The following FTO variants were observed in gnomAD, a reference collection of about 807,000 sequenced individuals.
FTO encodes alpha-ketoglutarate-dependent dioxygenase FTO.
FTO carries 47 observed loss-of-function variants against 63.9 expected under a neutral mutation model. That is an observed-to-expected ratio of 0.74 (90% CI 0.58 to 0.94). The LOEUF is 0.94. FTO is among the 40% of genes least tolerant of loss of function. The pLI, the probability that FTO is intolerant of heterozygous loss-of-function variation, is 0.00. For synonymous variants in FTO, 207 were observed against 224.4 expected, an observed-to-expected ratio of 0.92 and a Z score of 0.69; for missense variants, 562 against 618.1, an observed-to-expected ratio of 0.91 and a Z score of 0.96.
At chr16:53,904,084 A>C (rs963626602) in intron 7 of FTO, among the ~76,000 whole-genome samples, 3 of 151,978 alleles carry the variant, frequency 2.0e-5, no homozygotes, top group African/African-American at 7.3e-5. Flanking sequence ...TTACATATAG[A>C]TATATGTATA....
At chr16:53,795,473 G>A (rs1418112296) in intron 1 of FTO, among the ~76,000 whole-genome samples, 5 of 149,302 alleles carry the variant, frequency 3.3e-5, no homozygotes, top group East Asian at 1.9e-4. Flanking sequence ...GTGTGCGTGC[G>A]TGTGTGTGTG....
chr16:53,792,915 A>G (rs1345028719), intron 1 of FTO, among the ~76,000 whole-genome samples: 5 of 152,154 alleles, frequency 3.3e-5, no homozygotes, highest in Non-Finnish European at 5.9e-5. Context: ...TCTTTCTTTT[A>G]TGGTTTGGAA....
intron 6 of FTO, among the ~76,000 whole-genome samples, chr16:53,884,500 G>A (rs566509375): frequency 1.6e-4 from 24 of 152,184 alleles, no homozygotes; most frequent in Non-Finnish European, 3.2e-4. Flanking sequence ...ACTTCTTTCC[G>A]TTATTACAGT....
intron 8 of FTO, among the ~76,000 whole-genome samples, chr16:54,079,498 A>G (rs1347534633): frequency 6.6e-6 from 1 of 152,222 alleles, no homozygotes; most frequent in Non-Finnish European, 1.5e-5. Context: ...AAACACATAG[A>G]TGCTACCCAA....
rs561900628 is a variant in FTO, at chr16:53,791,761, A to G, written c.46-18379A>G. On this transcript the variant is annotated intron_variant, in intron 1 of 8. Transcript: ENST00000471389. ...TTACAGAGTTTTATGCAACGTTTCAATCAAGAAAGCATGATAATAAAGCGT... is the reference window on the plus strand; with the variant it reads ...TTACAGAGTTTTATGCAACGTTTCAGTCAAGAAAGCATGATAATAAAGCGT... Among the ~76,000 whole-genome samples the G allele has an allele frequency of 1.2e-4, 19 of 152,336 alleles. No individual in the cohort carries two copies. In the South Asian group the frequency reaches 3.5e-3, roughly 28 times the overall value.
intron 8 of FTO, among the ~76,000 whole-genome samples, chr16:53,967,364 GACTC>G (rs1489789575): frequency 6.6e-6 from 1 of 152,110 alleles, no homozygotes; most frequent in Non-Finnish European, 1.5e-5. Flanking sequence ...ATGTAATTAA[GACTC>G]TGAGAACAGG....
At chr16:53,840,179 A>T (rs1201469113) in intron 3 of FTO, among the ~76,000 whole-genome samples, 1 of 152,164 alleles carries the variant, frequency 6.6e-6, no homozygotes, top group Non-Finnish European at 1.5e-5. Context: ...GGGACATGTG[A>T]AAAACCTTCC....
At chr16:53,909,854 A>G (rs1411950001) in intron 7 of FTO, among the ~76,000 whole-genome samples, 3 of 151,812 alleles carry the variant, frequency 2.0e-5, no homozygotes, top group African/African-American at 7.3e-5. Context: ...GTGAGCCACC[A>G]CGCCCAGCTG....
chr16:53,753,754 C>T (rs1353609362), intron 1 of FTO, among the ~76,000 whole-genome samples: 1 of 152,172 alleles, frequency 6.6e-6, no homozygotes, highest in African/African-American at 2.4e-5. Flanking sequence ...CCTCTTGCAC[C>T]ATTTCCTCAG....
At chr16:53,947,130 G>A (rs755193281) in intron 8 of FTO, among the ~76,000 whole-genome samples, 2 of 152,184 alleles carry the variant, frequency 1.3e-5, no homozygotes, top group Non-Finnish European at 2.9e-5. Flanking sequence ...ACTGTCAGCT[G>A]CCTTGCTGCT....
chr16:53,879,249 G>A (rs78948590), intron 5 of FTO, among the ~76,000 whole-genome samples: 4,377 of 152,226 alleles, frequency 0.029, 236 homozygotes, highest in African/African-American at 0.1. Context: ...TAGGGCGTTA[G>A]CCTCCGGGAC....
At position 53,804,526 on chromosome 16, in the gene FTO, G is replaced by A. The variant is rs115513098; in HGVS notation, c.46-5614G>A. Among the ~76,000 whole-genome samples, 1,117 of 152,074 alleles carry A rather than the reference G, an allele frequency of 7.3e-3. 14 individuals carry two copies. The highest frequency in any genetic ancestry group is 0.025 in the African/African-American group (1,054 of 41,496). ...GGAAGTTTTTCGTAGGACAAGGAAT[G>A]CTAAATTTGTTGAAATGGTTGAAAT... On this transcript the variant is annotated intron_variant, in intron 1 of 8. Coordinates refer to ENST00000471389, the MANE Select transcript of FTO (RefSeq NM_001080432.3).
intron 8 of FTO, among the ~76,000 whole-genome samples, chr16:53,940,411 T>C (rs1028703820): frequency 1.3e-5 from 2 of 152,222 alleles, no homozygotes; most frequent in Non-Finnish European, 2.9e-5. Flanking sequence ...TGTCATTAAA[T>C]TGCAGCAGTG....
At chr16:54,034,406 G>A (rs933130893) in intron 8 of FTO, among the ~76,000 whole-genome samples, 4 of 152,282 alleles carry the variant, frequency 2.6e-5, no homozygotes, top group Non-Finnish European at 5.9e-5. Flanking sequence ...CAAGAAAAAC[G>A]TACCTTAATT....
At chr16:54,025,330 C>A (rs1438816311) in intron 8 of FTO, among the ~76,000 whole-genome samples, 6 of 152,216 alleles carry the variant, frequency 3.9e-5, no homozygotes, top group Admixed American at 3.9e-4. Flanking sequence ...GTATTCTCAA[C>A]ACTAGTGATT....
At chr16:53,917,761 G>A (rs1360752671) in intron 7 of FTO, among the ~76,000 whole-genome samples, 2 of 149,006 alleles carry the variant, frequency 1.3e-5, no homozygotes, top group African/African-American at 2.5e-5. Context: ...TCCATCCGTC[G>A]TCCATCTCCT....
intron 8 of FTO, among the ~76,000 whole-genome samples, chr16:53,989,604 G>T (rs9933107): frequency 0.32 from 48,759 of 152,002 alleles, 8,313 homozygotes; most frequent in Non-Finnish European, 0.34. Flanking sequence ...CTTACTGGTA[G>T]AGTTACTTTC....
At chr16:53,751,504 A>G (rs1315070334) in intron 1 of FTO, among the ~76,000 whole-genome samples, 3 of 152,156 alleles carry the variant, frequency 2.0e-5, no homozygotes, top group African/African-American at 7.2e-5. Context: ...ATGCTACACC[A>G]TGGACTAATG....
chr16:53,780,662 G>A (rs548736490), intron 1 of FTO, among the ~76,000 whole-genome samples: 1 of 152,254 alleles, frequency 6.6e-6, no homozygotes, highest in East Asian at 1.9e-4. Flanking sequence ...GAGCCACTGA[G>A]CCACCACATT....
Sources: allele counts gnomAD v4.1 joint callset (sites outside exome capture counted in the v4.1 genomes callset), GRCh38; gene constraint gnomAD v4.1.1; transcripts MANE v1.5; gene names NCBI Gene and HGNC (gene_info 2026-07-23, HGNC 2026-07-21).